Variants in DOCK4 observed in about 807,000 individuals in gnomAD.
The protein encoded by DOCK4 is dedicator of cytokinesis protein 4.
Under a neutral mutation model 268.1 loss-of-function variants are expected in DOCK4, and 97 were observed. The observed-to-expected ratio is 0.36, with a 90% CI of 0.31 to 0.43. The LOEUF (loss-of-function observed/expected upper bound fraction) is 0.43. Among genes scored for constraint, DOCK4 ranks in the 20% least tolerant of loss-of-function variants. DOCK4 has a pLI of 1.00. For synonymous variants in DOCK4, 954 were observed against 887.2 expected, an observed-to-expected ratio of 1.08 and a Z score of -1.34; for missense variants, 2,145 against 2,455.7, an observed-to-expected ratio of 0.87 and a Z score of 2.67.
Position 111,769,511 on chromosome 7 carries a change from C to A in DOCK4, c.3828+18G>T. On this transcript the variant is annotated intron_variant, in intron 37 of 52. Transcript: ENST00000428084. Reference sequence around the variant, plus strand: ...CCATCACCCCAGGAGGGACCCCGGGCGGGGCAGGGCCACTTACTTTGCCTC... The same window carrying A: ...CCATCACCCCAGGAGGGACCCCGGGAGGGGCAGGGCCACTTACTTTGCCTC... The A allele has an allele frequency of 1.2e-6, 2 of 1,612,750 alleles. No individual in the cohort carries two copies. The highest frequency in any genetic ancestry group is 1.7e-5 in the Admixed American group (1 of 60,000).
chr7:112,017,812 T>A (rs963130995), intron 1 of DOCK4, among the ~76,000 whole-genome samples: 1 of 152,104 alleles, frequency 6.6e-6, no homozygotes, highest in Non-Finnish European at 1.5e-5. Context: ...TGAAGACTCA[T>A]GTCTTCTGGG....
At chr7:111,853,360 G>A (rs1219295930) in intron 23 of DOCK4, among the ~76,000 whole-genome samples, 1 of 152,176 alleles carries the variant, frequency 6.6e-6, no homozygotes, top group Non-Finnish European at 1.5e-5. Flanking sequence ...TCAGTACGGG[G>A]AGATTGTAAA....
At chr7:112,136,266 C>A (rs1814336311) in intron 1 of DOCK4, among the ~76,000 whole-genome samples, 1 of 152,030 alleles carries the variant, frequency 6.6e-6, no homozygotes, top group Non-Finnish European at 1.5e-5. Context: ...TAGCAACACA[C>A]ATAAAGCCAT....
Position 111,728,370 on chromosome 7 carries a change from A to G in DOCK4, c.5832T>C (p.Pro1944=), listed in dbSNP as rs958435445. The change falls in exon 53 of 53, where the codon CCT becomes CCC. Residue 1944 remains proline (P), a synonymous_variant. Transcript: ENST00000428084. ...TSEPPALPPK[P]LAARSSHLEN... is the part of the protein sequence containing the mutation. ...CCAGGTGGCTGGATCGCGCTGCCAG[A>G]GGCTTGGGGGGCAGCGCGGGCGGCT... 24 of 1,528,124 alleles carry G rather than the reference A, an allele frequency of 1.6e-5. No individual in the cohort carries two copies. Among genetic ancestry groups the G allele is most frequent in the Non-Finnish European group, 2.0e-5 (23 of 1,139,276 alleles). 94.7% of individuals were successfully genotyped at this position (1,528,124 alleles called of 1,614,324 possible). A position where few individuals can be genotyped will look rare whatever the true frequency, so the allele number is the denominator to read the frequency against.
At chr7:111,837,258 C>A (rs76633839) in intron 25 of DOCK4, among the ~76,000 whole-genome samples, 1,538 of 151,920 alleles carry the variant, frequency 0.01, 28 homozygotes, top group African/African-American at 0.031. Flanking sequence ...GGAAAAAAAA[C>A]CCCAAAAACT....
Position 112,199,564 on chromosome 7 carries a change from G to A in DOCK4, c.37+6538C>T, listed in dbSNP as rs563459068. Among the ~76,000 whole-genome samples the A allele has an allele frequency of 3.9e-5, 6 of 152,234 alleles. No homozygotes were observed. The South Asian group carries it at 1.2e-3, about 32-fold the overall frequency. On this transcript the variant is annotated intron_variant, in intron 1 of 52. Coordinates refer to ENST00000428084, the MANE Select transcript of DOCK4 (RefSeq NM_001363540.2). The stretch of plus-strand genomic sequence containing the variant: ...AGTTTAAGTTGCTTAAATGAAGCTA[G>A]GCTTGGGGAACTTTAATTCCTTATT...
chr7:112,107,574 T>G (rs919253), intron 1 of DOCK4, among the ~76,000 whole-genome samples: 14,755 of 152,260 alleles, frequency 0.097, 2,323 homozygotes, highest in African/African-American at 0.33. Flanking sequence ...TGTGGTATTT[T>G]GTTATGGCAA....
chr7:112,128,724 G>A (rs552000087), intron 1 of DOCK4, among the ~76,000 whole-genome samples: 12 of 151,874 alleles, frequency 7.9e-5, no homozygotes, highest in Admixed American at 2.0e-4. Flanking sequence ...CAGCATGCTC[G>A]TTAAGAGTCA....
At chr7:111,761,723 A>G (rs1797419603) in intron 39 of DOCK4, among the ~76,000 whole-genome samples, 1 of 152,142 alleles carries the variant, frequency 6.6e-6, no homozygotes, top group Non-Finnish European at 1.5e-5. Context: ...CAGGTAGAGG[A>G]AATACAGCAG....
intron 1 of DOCK4, among the ~76,000 whole-genome samples, chr7:112,116,170 C>T (rs931646392): frequency 2.6e-5 from 4 of 152,076 alleles, no homozygotes; most frequent in African/African-American, 7.2e-5. Flanking sequence ...TACCCTCCAC[C>T]CTCCTCTCCC....
At chr7:112,011,989 G>A (rs1277863202) in intron 1 of DOCK4, among the ~76,000 whole-genome samples, 1 of 151,576 alleles carries the variant, frequency 6.6e-6, no homozygotes, top group African/African-American at 2.4e-5. Context: ...TATGAACCAT[G>A]TGGTCCTTGG....
intron 51 of DOCK4, 35 bp from the exon 52 acceptor site, chr7:111,732,322 G>GA (rs1352876406): frequency 4.4e-6 from 7 of 1,608,370 alleles, no homozygotes; most frequent in Non-Finnish European, 6.0e-6. Flanking sequence ...TTTCAATTAA[G>GA]AAAAACCAGA....
chr7:111,969,145 G>T (rs377686768), intron 8 of DOCK4, among the ~76,000 whole-genome samples: 1 of 123,624 alleles, frequency 8.1e-6, no homozygotes, highest in Non-Finnish European at 1.6e-5. Context: ...CACCAGCATG[G>T]CACATGTATA....
intron 12 of DOCK4, among the ~76,000 whole-genome samples, chr7:111,916,980 GTTTTT>G (rs749349556): frequency 1.2e-5 from 1 of 83,976 alleles, no homozygotes; most frequent in East Asian, 4.8e-4. Context: ...TTTCCCCCAT[GTTTTT>G]TTTTTTTTTT....
chr7:112,129,481 C>T lies in DOCK4; in HGVS notation c.37+76621G>A, dbSNP rs1278206249. On this transcript the variant is annotated intron_variant, in intron 1 of 52. Coordinates refer to ENST00000428084, the MANE Select transcript of DOCK4 (RefSeq NM_001363540.2). ...GTCGTTACATATACCATACGTGAGA[C>T]TAAATTGCAATGAACTACACACACA... 3.3e-5 allele frequency among the ~76,000 whole-genome samples: 5 copies of T among 152,002 alleles called. No individual in the cohort carries two copies. In the East Asian group the frequency reaches 9.6e-4, roughly 29 times the overall value.
intron 22 of DOCK4, among the ~76,000 whole-genome samples, chr7:111,866,987 T>C (rs111677800): frequency 1.7e-4 from 26 of 152,302 alleles, no homozygotes; most frequent in Non-Finnish European, 2.6e-4. Flanking sequence ...CAAGTTCCCA[T>C]AGTGCAGTGA....
At chr7:112,052,912 C>T (rs1805487602) in intron 1 of DOCK4, among the ~76,000 whole-genome samples, 1 of 152,122 alleles carries the variant, frequency 6.6e-6, no homozygotes, top group African/African-American at 2.4e-5. Flanking sequence ...GTTTTCAAAG[C>T]AATTGACAGA....
At position 112,117,352 on chromosome 7, in the gene DOCK4, T is replaced by A. The variant is rs553598562; in HGVS notation, c.37+88750A>T. Among the ~76,000 whole-genome samples, 11 of 148,460 alleles carry A rather than the reference T, an allele frequency of 7.4e-5. 1 individual carries two copies. In the South Asian group the frequency reaches 1.7e-3, roughly 23 times the overall value. ...AACCATGCTACCACTTTTATTAGCT[T>A]CATACCTTTTCTTTCTTTCTTTTTC... On this transcript the variant is annotated intron_variant, in intron 1 of 52. Coordinates refer to ENST00000428084, the MANE Select transcript of DOCK4 (RefSeq NM_001363540.2).
rs535510711 is a variant in DOCK4 at position 112,110,659 on chromosome 7, C to G, written c.37+95443G>C. ...GCCAAAGAGGTGGTGGCCCTGCTTT[C>G]AGGGGAGACCTCATCTCTGCCTGGA... is the stretch of plus-strand genomic sequence containing the variant. On this transcript the variant is annotated intron_variant, in intron 1 of 52. Coordinates refer to ENST00000428084, the MANE Select transcript of DOCK4 (RefSeq NM_001363540.2). Among the ~76,000 whole-genome samples, 3 of 152,312 alleles carry G rather than the reference C, an allele frequency of 2.0e-5. No homozygotes were observed. The South Asian group carries it at 6.2e-4, about 32-fold the overall frequency.
Sources: gnomAD v4.1 joint callset for allele counts (sites outside exome capture counted in the v4.1 genomes callset) on GRCh38, gnomAD v4.1.1 for gene constraint, MANE v1.5 for transcripts, NCBI Gene and HGNC (gene_info 2026-07-23, HGNC 2026-07-21) for gene names.